The following PRKAR1B variants were observed in gnomAD, a reference collection of about 807,000 sequenced individuals.
PRKAR1B encodes protein kinase cAMP-dependent type I regulatory subunit beta.
In PRKAR1B, 22 loss-of-function variants were observed where a neutral mutation model predicts 46.5. The observed-to-expected ratio is 0.47, with a 90% CI of 0.34 to 0.68. The LOEUF is 0.68. Among genes scored for constraint, PRKAR1B ranks in the 30% least tolerant of loss-of-function variants. The pLI is 0.01. For missense variants in PRKAR1B, 445 were observed against 535.6 expected, an observed-to-expected ratio of 0.83 and a Z score of 1.67; for synonymous variants, 259 against 217.7, an observed-to-expected ratio of 1.19 and a Z score of -1.67.
intron 9 of PRKAR1B, chr7:565,657 G>A (rs1424598340): frequency 2.0e-5 from 3 of 152,184 alleles, no homozygotes; most frequent in Non-Finnish European, 4.4e-5. Context: ...TTTAAAACTG[G>A]TCTGGTGATT....
chr7:725,041 C>G (rs1281958750), intron 1 of PRKAR1B, among the ~76,000 whole-genome samples: 1 of 152,092 alleles, frequency 6.6e-6, no homozygotes, highest in Non-Finnish European at 1.5e-5. Context: ...AGTGAAACCC[C>G]GTCTCTACTA....
At chr7:582,035 C>G (rs1780214638) in intron 8 of PRKAR1B, among the ~76,000 whole-genome samples, 1 of 152,238 alleles carries the variant, frequency 6.6e-6, no homozygotes, top group Non-Finnish European at 1.5e-5. Context: ...TTATTTTGCA[C>G]AGATGGGATC....
chr7:636,534 T>C (rs1286047587), intron 4 of PRKAR1B, among the ~76,000 whole-genome samples: 1 of 152,090 alleles, frequency 6.6e-6, no homozygotes, highest in Non-Finnish European at 1.5e-5. Context: ...GCCCTGCCAA[T>C]GAGGGCTGGT....
At position 593,546 on chromosome 7, in the gene PRKAR1B, G is replaced by A. The variant is rs1052255739; in HGVS notation, c.708+2600C>T. On this transcript the variant is annotated intron_variant, in intron 7 of 10. Transcript: ENST00000537384. This position sits in a 1 kb window ranked among gnomAD's most constrained non-coding sequence, Gnocchi z 6.1. ...ATCCCCCAGCCGGGAGCGACAGGGC[G>A]TCAAGGATGGTGGGGAAACGGCTTA... is the stretch of plus-strand genomic sequence containing the variant. 3.3e-5 allele frequency among the ~76,000 whole-genome samples: 5 copies of A among 152,204 alleles called. No individual in the cohort carries two copies. Among genetic ancestry groups the A allele is most frequent in the South Asian group, 4.1e-4 (2 of 4,832 alleles).
Position 550,119 on chromosome 7 carries a change from A to G in PRKAR1B, c.*311T>C. On this transcript the variant is annotated 3_prime_UTR_variant, in exon 11 of 11. Transcript: ENST00000537384. ...GGACCGATCCTCAAGCATCTCCAGG[A>G]GACTGGCAGGGGTGGGGTGGGCCCC... 1 of 376,196 alleles carries G rather than the reference A, an allele frequency of 2.7e-6. No homozygotes were observed. Among genetic ancestry groups the G allele is most frequent in the South Asian group, 2.5e-5 (1 of 40,508 alleles). The allele number at this position is 376,196 out of a possible 1,614,324, so 23.3% of individuals were successfully genotyped here.
intron 2 of PRKAR1B, 139 bp downstream of exon 2, chr7:711,190 G>T: frequency 1.6e-6 from 2 of 1,224,324 alleles, no homozygotes; most frequent in Non-Finnish European, 2.3e-6. Context: ...CGCGCTTCTG[G>T]AAGGACCTGC....
Position 569,239 on chromosome 7 carries a change from C to G in PRKAR1B, c.891+10017G>C, listed in dbSNP as rs958871970. 3.3e-5 allele frequency among the ~76,000 whole-genome samples: 5 copies of G among 152,338 alleles called. No homozygotes were observed. In the East Asian group the frequency reaches 7.7e-4, roughly 23 times the overall value. ...GTTCTTGTCTCCCAAAGCAGAAACC[C>G]TGAGCGTGAGCTGACCAAGGCCTCA... On this transcript the variant is annotated intron_variant, in intron 9 of 10. Transcript: ENST00000537384.
At chr7:726,349 C>G (rs560682192) in intron 1 of PRKAR1B, among the ~76,000 whole-genome samples, 18 of 152,314 alleles carry the variant, frequency 1.2e-4, no homozygotes, top group Non-Finnish European at 2.4e-4. Flanking sequence ...ACAGGGGCTT[C>G]CCGGCTACCC....
intron 6 of PRKAR1B, among the ~76,000 whole-genome samples, chr7:598,576 TC>T (rs1424493059): frequency 3.6e-5 from 4 of 112,658 alleles, no homozygotes; most frequent in African/African-American, 1.4e-4. Flanking sequence ...TCCAGCACCC[TC>T]CGCACCAAAC....
chr7:624,005 A>G (rs1367643083), intron 4 of PRKAR1B, among the ~76,000 whole-genome samples: 1 of 152,192 alleles, frequency 6.6e-6, no homozygotes, highest in Non-Finnish European at 1.5e-5. Context: ...GCCACTGGCC[A>G]TGGCGTCCAG....
intron 9 of PRKAR1B, among the ~76,000 whole-genome samples, chr7:562,927 T>C (rs1778895121): frequency 6.6e-6 from 1 of 152,010 alleles, no homozygotes; most frequent in Non-Finnish European, 1.5e-5. Flanking sequence ...TGTTGCTTTC[T>C]CAGCCAAGTC....
intron 4 of PRKAR1B, among the ~76,000 whole-genome samples, chr7:653,402 A>G (rs1785017392): frequency 6.6e-6 from 1 of 152,178 alleles, no homozygotes; most frequent in Non-Finnish European, 1.5e-5. Flanking sequence ...TCAGAAGGAA[A>G]GTGAGGGCTG....
chr7:568,179 T>C (rs528562288), intron 9 of PRKAR1B, among the ~76,000 whole-genome samples: 82 of 152,096 alleles, frequency 5.4e-4, no homozygotes, highest in African/African-American at 1.8e-3. Context: ...CAGGGTGAGG[T>C]CACAGCCCCC....
At chr7:707,386 C>T (rs994473651) in intron 2 of PRKAR1B, among the ~76,000 whole-genome samples, 12 of 152,096 alleles carry the variant, frequency 7.9e-5, no homozygotes, top group African/African-American at 2.7e-4. Flanking sequence ...GCAACCCTTT[C>T]GACAAAAATG....
intron 4 of PRKAR1B, among the ~76,000 whole-genome samples, chr7:641,851 A>G (rs1784406334): frequency 6.6e-6 from 1 of 151,730 alleles, no homozygotes; most frequent in Admixed American, 6.6e-5. Context: ...ACTATTTTTT[A>G]TTTATTTTTA....
At chr7:728,066 T>C (rs915513546), upstream of PRKAR1B, among the ~76,000 whole-genome samples, 1 of 152,148 alleles carries the variant, frequency 6.6e-6, no homozygotes, top group African/African-American at 2.4e-5. Flanking sequence ...CTTGGACCAC[T>C]GTCCTAAGTG....
intron 4 of PRKAR1B, among the ~76,000 whole-genome samples, chr7:660,966 A>G: frequency 1.2e-5 from 1 of 82,188 alleles, no homozygotes; most frequent in African/African-American, 5.2e-5. Context: ...CTTCCCCTCC[A>G]TGGCACAGGT....
chr7:651,351 A>G (rs978394611), intron 4 of PRKAR1B, among the ~76,000 whole-genome samples: 2 of 152,206 alleles, frequency 1.3e-5, no homozygotes, highest in Admixed American at 6.5e-5. Context: ...AATTCATACG[A>G]GTTCCATGTT....
At chr7:706,439 T>TTTTTTTTTTTTTC (rs1780329968) in intron 2 of PRKAR1B, among the ~76,000 whole-genome samples, 1 of 146,590 alleles carries the variant, frequency 6.8e-6, no homozygotes, top group South Asian at 2.2e-4. Context: ...TTTTTTTTTT[T>TTTTTTTTTTTTTC]TTGAGACGGA....
Sources: allele counts gnomAD v4.1 joint callset (sites outside exome capture counted in the v4.1 genomes callset), GRCh38; gene constraint gnomAD v4.1.1; non-coding constraint Gnocchi (gnomAD v3.1); transcripts MANE v1.5; gene names NCBI Gene and HGNC (gene_info 2026-07-23, HGNC 2026-07-21).